The following SMAD2 variants were observed in gnomAD, a reference collection of about 807,000 sequenced individuals.
SMAD2 encodes SMAD family member 2.
SMAD2 carries 8 observed loss-of-function variants against 64.4 expected under a neutral mutation model. The ratio of observed to expected loss-of-function variants is 0.12; its 90% CI spans 0.07 to 0.22. The LOEUF (loss-of-function observed/expected upper bound fraction) is 0.22. Among genes scored for constraint, SMAD2 ranks in the 10% least tolerant of loss-of-function variants. The probability of loss-of-function intolerance (pLI) is 1.00; values close to 1 mark genes in which losing one functional copy is unlikely to be tolerated. For synonymous variants in SMAD2, 203 were observed against 195.8 expected (o/e 1.04, Z -0.31); for missense variants, 289 against 561.2 (o/e 0.51, Z 4.90).
intron 1 of SMAD2, among the ~76,000 whole-genome samples, chr18:47,906,624 G>A (rs189960845): frequency 1.1e-3 from 167 of 152,132 alleles, no homozygotes; most frequent in African/African-American, 3.8e-3. Flanking sequence ...ACAAATAATC[G>A]CAATCACAGC....
chr18:47,891,550 A>G (rs1408297337), intron 2 of SMAD2, among the ~76,000 whole-genome samples: 1 of 149,686 alleles, frequency 6.7e-6, no homozygotes, highest in Non-Finnish European at 1.5e-5. Context: ...GACTCTCACT[A>G]TGTTGCCCGG....
At chr18:47,855,034 C>A (rs2030540683) in intron 6 of SMAD2, among the ~76,000 whole-genome samples, 1 of 152,178 alleles carries the variant, frequency 6.6e-6, no homozygotes. Flanking sequence ...GCCTCAGTAA[C>A]CACTTATCTT....
At chr18:47,866,316 CAAAAAAAAAAA>C (rs34302955) in intron 5 of SMAD2, among the ~76,000 whole-genome samples, 5 of 42,098 alleles carry the variant, frequency 1.2e-4, no homozygotes, top group African/African-American at 3.0e-4. Flanking sequence ...AACACCGTCT[CAAAAAAAAAAA>C]AAAAAAAAAA....
rs570776025 is a variant in SMAD2, at chr18:47,830,749, T to G, written c.*11078A>C. 1.9e-5 allele frequency: 3 copies of G among 154,404 alleles called. No homozygotes were observed. Among genetic ancestry groups the G allele is most frequent in the African/African-American group, 7.2e-5 (3 of 41,626 alleles). The allele number at this position is 154,404 out of a possible 1,614,324, so 9.6% of individuals were successfully genotyped here. A position where few individuals can be genotyped will look rare whatever the true frequency, so the allele number is the denominator to read the frequency against. On this transcript the variant is annotated 3_prime_UTR_variant, in exon 11 of 11. Transcript: ENST00000262160. ...GCAAGACCTCTCATGAAGAAAAACT[T>G]TACAAGATTTAAAATCAGAGCAAAT...
chr18:47,852,218 C>T (rs978981948), intron 6 of SMAD2, among the ~76,000 whole-genome samples: 1 of 152,084 alleles, frequency 6.6e-6, no homozygotes, highest in African/African-American at 2.4e-5. Context: ...GTATGAGCTA[C>T]AAATATTTAA....
At chr18:47,918,982 G>A (rs926958054) in intron 1 of SMAD2, among the ~76,000 whole-genome samples, 3 of 151,976 alleles carry the variant, frequency 2.0e-5, no homozygotes, top group Non-Finnish European at 4.4e-5. Context: ...GATGGAAAGG[G>A]CCCATCAAGA....
chr18:47,894,745 T>C (rs1329649985), intron 2 of SMAD2, among the ~76,000 whole-genome samples: 2 of 152,184 alleles, frequency 1.3e-5, no homozygotes, highest in Non-Finnish European at 2.9e-5. Flanking sequence ...TCTCCCTTAC[T>C]AGGAAGTAAG....
chr18:47,883,439 G>C (rs891157545), intron 2 of SMAD2, among the ~76,000 whole-genome samples: 7 of 152,318 alleles, frequency 4.6e-5, no homozygotes, highest in African/African-American at 1.4e-4. Context: ...ATGAACACTT[G>C]AAACGCTTGT....
intron 2 of SMAD2, among the ~76,000 whole-genome samples, chr18:47,892,027 A>T (rs1410352331): frequency 6.6e-6 from 1 of 152,164 alleles, no homozygotes; most frequent in African/African-American, 2.4e-5. Context: ...TTATCAAGCT[A>T]AGAAAACTCT....
Position 47,834,010 on chromosome 18 carries a change from T to C in SMAD2, c.*7817A>G, listed in dbSNP as rs1913170054. On this transcript the variant is annotated 3_prime_UTR_variant, in exon 11 of 11. Coordinates refer to ENST00000262160, the MANE Select transcript of SMAD2 (RefSeq NM_005901.6). ...CCATTATAACATCAGTTACCTTAGCTGGATCACTAAGTGTGAGTCTCACCA... is the reference window on the plus strand; with the variant it reads ...CCATTATAACATCAGTTACCTTAGCCGGATCACTAAGTGTGAGTCTCACCA... The C allele has an allele frequency of 4.5e-6, 1 of 221,940 alleles. No individual in the cohort carries two copies. Among genetic ancestry groups the C allele is most frequent in the South Asian group, 1.8e-4 (1 of 5,414 alleles). 13.7% of individuals were successfully genotyped at this position (221,940 alleles called of 1,614,324 possible). A position where few individuals can be genotyped will look rare whatever the true frequency, so the allele number is the denominator to read the frequency against.
At chr18:47,870,834 A>T (rs2031888027) in intron 2 of SMAD2, among the ~76,000 whole-genome samples, 1 of 152,300 alleles carries the variant, frequency 6.6e-6, no homozygotes, top group South Asian at 2.1e-4. Flanking sequence ...AATCATACCT[A>T]TAATGCCCTT....
In SMAD2 at chr18:47,810,604, T is replaced by C. The variant is rs903409418; in HGVS notation, c.*31223A>G. On this transcript the variant is annotated 3_prime_UTR_variant, in exon 11 of 11. Transcript: ENST00000262160. ...CAAGGCTAGGCACAAAATTGGTGCT[T>C]AAAAAGACTGATTGACCAACTAACA... The C allele has an allele frequency of 5.3e-5, 8 of 152,080 alleles. No individual in the cohort carries two copies. Among genetic ancestry groups the C allele is most frequent in the African/African-American group, 1.9e-4 (8 of 41,404 alleles). 9.4% of individuals were successfully genotyped at this position (152,080 alleles called of 1,614,324 possible). A position where few individuals can be genotyped will look rare whatever the true frequency, so the allele number is the denominator to read the frequency against.
intron 2 of SMAD2, among the ~76,000 whole-genome samples, chr18:47,880,317 C>T (rs1035819681): frequency 2.0e-5 from 3 of 152,176 alleles, no homozygotes; most frequent in African/African-American, 7.2e-5. Context: ...TTTGTTTTCA[C>T]TGGTGTAAGG....
Position 47,818,122 on chromosome 18 carries a change from T to C in SMAD2, c.*23705A>G, listed in dbSNP as rs947104455. ...CAAGAGACTGCAGCTATAGAGTTGATATGTAGAGTCTTCTAAGCTCTCTAA... is the reference window on the plus strand; with the variant it reads ...CAAGAGACTGCAGCTATAGAGTTGACATGTAGAGTCTTCTAAGCTCTCTAA... On this transcript the variant is annotated 3_prime_UTR_variant, in exon 11 of 11. Transcript: ENST00000262160. 2 of 152,214 alleles carry C rather than the reference T, an allele frequency of 1.3e-5. No individual in the cohort carries two copies. The highest frequency in any genetic ancestry group is 6.5e-5 in the Admixed American group (1 of 15,288). 9.4% of individuals were successfully genotyped at this position (152,214 alleles called of 1,614,324 possible).
intron 4 of SMAD2, 64 bp from the exon 5 acceptor site, chr18:47,868,521 T>A: frequency 7.3e-7 from 1 of 1,375,840 alleles, no homozygotes; most frequent in Non-Finnish European, 1.0e-6. Context: ...GAACCTTTTT[T>A]AAAGTTTTCA....
At chr18:47,843,556 T>TA (rs1373881737) in intron 10 of SMAD2, among the ~76,000 whole-genome samples, 6 of 152,030 alleles carry the variant, frequency 3.9e-5, no homozygotes, top group South Asian at 2.1e-4. Context: ...TAAGGAAATT[T>TA]AAAAAAAATA....
At chr18:47,877,578 T>A (rs2032337773) in intron 2 of SMAD2, among the ~76,000 whole-genome samples, 1 of 152,206 alleles carries the variant, frequency 6.6e-6, no homozygotes, top group Non-Finnish European at 1.5e-5. Context: ...CAATTACAAA[T>A]GTTTAAATGT....
At chr18:47,915,685 A>G (rs1345733572) in intron 1 of SMAD2, among the ~76,000 whole-genome samples, 1 of 152,176 alleles carries the variant, frequency 6.6e-6, no homozygotes, top group Non-Finnish European at 1.5e-5. Context: ...CTCTAAACTG[A>G]GGGTCGCGAA....
intron 6 of SMAD2, among the ~76,000 whole-genome samples, chr18:47,852,464 A>G (rs542385709): frequency 6.6e-6 from 1 of 152,320 alleles, no homozygotes; most frequent in Non-Finnish European, 1.5e-5. Flanking sequence ...TTTTTGCATC[A>G]ATAGTCTCAA....
Sources: allele counts gnomAD v4.1 joint callset (sites outside exome capture counted in the v4.1 genomes callset), GRCh38; gene constraint gnomAD v4.1.1; transcripts MANE v1.5; gene names NCBI Gene and HGNC (gene_info 2026-07-23, HGNC 2026-07-21).